The following F8 variants were observed in gnomAD, a reference collection of about 807,000 sequenced individuals.
F8 encodes coagulation factor VIII.
A neutral mutation model predicts 140.6 loss-of-function variants in F8; 12 were observed. The observed-to-expected ratio is 0.09, with a 90% confidence interval of 0.05 to 0.14. The LOEUF (loss-of-function observed/expected upper bound fraction) is 0.14. Ranked by LOEUF, F8 falls within the 10% of genes least tolerant of loss-of-function variation. The pLI is 1.00. For synonymous variants in F8, 585 were observed against 614.6 expected (o/e 0.95, Z 0.71); for missense variants, 1,354 against 1,720.7 (o/e 0.79, Z 3.77).
At chrX:154,914,358 G>C (rs936738195) in intron 14 of F8, among the ~76,000 whole-genome samples, 2 of 112,768 alleles carry the variant, frequency 1.8e-5, no homozygotes, top group African/African-American at 6.4e-5. Context: ...ATTAACATTT[G>C]GCTCCTTGTT....
intron 25 of F8, among the ~76,000 whole-genome samples, chrX:154,855,818 G>A (rs1200182876): frequency 9.0e-6 from 1 of 111,053 alleles, no homozygotes; most frequent in Non-Finnish European, 1.9e-5. Context: ...GGCGAGGTGA[G>A]GTATGAAGGT....
Position 154,958,491 on chromosome X carries a change from C to T in F8, c.1538-1320G>A, listed in dbSNP as rs1192200351. On this transcript the variant is annotated intron_variant, in intron 10 of 25. Transcript: ENST00000360256. ...AAAGCAGGTTACCAGTAACTATCCA[C>T]GTATGCCTCCAAATTTCGGGACACA... Among the ~76,000 whole-genome samples, 7 of 111,997 alleles carry T rather than the reference C, an allele frequency of 6.3e-5. 1 individual carries two copies. The East Asian group carries it at 1.4e-3, about 22-fold the overall frequency.
intron 21 of F8, among the ~76,000 whole-genome samples, chrX:154,898,734 CA>C (rs1291283725): frequency 8.9e-6 from 1 of 112,128 alleles, no homozygotes; most frequent in Non-Finnish European, 1.9e-5. Context: ...GACTTTGCTG[CA>C]GTATTAGAAA....
intron 24 of F8, among the ~76,000 whole-genome samples, chrX:154,860,852 C>A (rs2072685676): frequency 9.0e-6 from 1 of 111,025 alleles, no homozygotes; most frequent in South Asian, 3.8e-4. Context: ...GTGCCCACCA[C>A]CATGTCCAGA....
At chrX:154,947,049 C>T (rs1245006029) in intron 13 of F8, among the ~76,000 whole-genome samples, 1 of 108,548 alleles carries the variant, frequency 9.2e-6, no homozygotes, top group Non-Finnish European at 1.9e-5. Context: ...CACGGTGAAA[C>T]CCTGTCTCTA....
chrX:154,987,089 CG>C, intron 5 of F8, 147 bp downstream of exon 5: 2 of 474,997 alleles, frequency 4.2e-6, no homozygotes, highest in South Asian at 7.6e-5. Flanking sequence ...ACTGAGGTTA[CG>C]TTTTGTTTTC....
chrX:154,983,554 G>T (rs782471836), intron 6 of F8, among the ~76,000 whole-genome samples: 3 of 111,500 alleles, frequency 2.7e-5, no homozygotes, highest in Non-Finnish European at 5.7e-5. Flanking sequence ...GTATTAAATC[G>T]TAACTGCATA....
chrX:154,841,618 T>C (rs1407771409), intron 25 of F8, among the ~76,000 whole-genome samples: 1 of 111,712 alleles, frequency 9.0e-6, no homozygotes, highest in Admixed American at 9.6e-5. Context: ...ATCTATGCCA[T>C]CATATCTTCC....
chrX:154,866,410 C>G (rs2072731710), intron 22 of F8, among the ~76,000 whole-genome samples: 1 of 111,687 alleles, frequency 9.0e-6, no homozygotes, highest in Admixed American at 9.5e-5. Context: ...AATGTATATA[C>G]AGAACTTTCC....
At chrX:154,915,342 T>C (rs2073090526) in intron 14 of F8, among the ~76,000 whole-genome samples, 1 of 112,308 alleles carries the variant, frequency 8.9e-6, no homozygotes, top group Non-Finnish European at 1.9e-5. Flanking sequence ...ATTTTAAGAC[T>C]GCTTTTTCTA....
intron 1 of F8, among the ~76,000 whole-genome samples, chrX:155,012,775 C>T (rs917632458): frequency 9.1e-6 from 1 of 109,470 alleles, no homozygotes; most frequent in Non-Finnish European, 1.9e-5. Flanking sequence ...GGTGAATAAA[C>T]ATTTAAAAAA....
chrX:154,877,508 T>C (rs1557274116), intron 22 of F8, among the ~76,000 whole-genome samples: 4 of 111,678 alleles, frequency 3.6e-5, no homozygotes, highest in Non-Finnish European at 1.9e-5. Context: ...TTTCTTTTTT[T>C]TTGAGAGGGA....
chrX:154,904,859 T>G lies in F8; in HGVS notation c.5538A>C (p.Lys1846Asn). 1 of 1,211,599 alleles carries G rather than the reference T, an allele frequency of 8.3e-7. No homozygotes were observed. ...CCCAGGCTTTGCAGTCAAACTCATCTTTAGTGGGTGCCATATGATGTTGCA... is the reference window on the plus strand; with the variant it reads ...CCCAGGCTTTGCAGTCAAACTCATCGTTAGTGGGTGCCATATGATGTTGCA... ...WKVQHHMAPT[K>N]DEFDCKAWAY... The change falls in exon 16 of 26, where the codon AAA (lysine) becomes AAC (asparagine). Residue 1846 changes from lysine to asparagine, a missense_variant. Lys to Asn is a moderately conservative substitution (Grantham distance 94, BLOSUM62 0). Coordinates refer to ENST00000360256, the MANE Select transcript of F8 (RefSeq NM_000132.4).
At chrX:154,944,554 A>G (rs2073291318) in intron 13 of F8, among the ~76,000 whole-genome samples, 1 of 111,122 alleles carries the variant, frequency 9.0e-6, no homozygotes, top group African/African-American at 3.3e-5. Context: ...AAATAGGAAC[A>G]CTTTTACAAT....
chrX:154,962,463 G>C (rs1316223274), intron 9 of F8, among the ~76,000 whole-genome samples: 1 of 112,422 alleles, frequency 8.9e-6, no homozygotes, highest in East Asian at 2.8e-4. Flanking sequence ...AATAGAGAAA[G>C]AGACAGTGTT....
rs782088692 is a variant in F8, at chrX:154,862,058, G to A, written c.6575-192C>T. Among the ~76,000 whole-genome samples the A allele has an allele frequency of 6.3e-5, 7 of 110,679 alleles. No homozygotes were observed. The East Asian group carries it at 1.7e-3, about 27-fold the overall frequency. On this transcript the variant is annotated intron_variant, in intron 23 of 25. Coordinates refer to ENST00000360256, the MANE Select transcript of F8 (RefSeq NM_000132.4). ...TTTTGTTTTTTTGAGATGGAGTCTC[G>A]CTTTGTCACCCAGGCTGGAGTGTAG...
intron 14 of F8, chrX:154,909,027 T>C: frequency 4.5e-6 from 1 of 221,766 alleles, no homozygotes. Flanking sequence ...AGCCAGCTGC[T>C]TCCGTTGGCG....
At chrX:154,999,859 C>A (rs2073637918) in intron 1 of F8, among the ~76,000 whole-genome samples, 1 of 112,523 alleles carries the variant, frequency 8.9e-6, no homozygotes, top group South Asian at 3.7e-4. Flanking sequence ...ATAGCTACTG[C>A]ATCCTTCAAT....
At chrX:155,017,283 T>C (rs781853718) in intron 1 of F8, among the ~76,000 whole-genome samples, 2 of 112,532 alleles carry the variant, frequency 1.8e-5, no homozygotes, top group African/African-American at 3.2e-5. Flanking sequence ...TATTAAAACC[T>C]TGGTGTTGGC....
Sources: allele counts gnomAD v4.1 joint callset (sites outside exome capture counted in the v4.1 genomes callset), GRCh38; gene constraint gnomAD v4.1.1; transcripts MANE v1.5; gene names NCBI Gene and HGNC (gene_info 2026-07-23, HGNC 2026-07-21).